The following ZBTB20 variants were observed in gnomAD, a reference collection of about 807,000 sequenced individuals.
ZBTB20 encodes the protein zinc finger and BTB domain-containing protein 20.
In ZBTB20, 9 loss-of-function variants were observed where a neutral mutation model predicts 56.9. The observed-to-expected ratio is 0.16, with a 90% confidence interval of 0.10 to 0.28. The LOEUF (loss-of-function observed/expected upper bound fraction) is 0.28. Ranked by LOEUF, ZBTB20 falls within the 10% of genes least tolerant of loss-of-function variation. The pLI is 1.00. For missense variants in ZBTB20, 655 were observed against 1,003.0 expected (o/e 0.65, Z 4.69); for synonymous variants, 417 against 420.7 (o/e 0.99, Z 0.11).
At chr3:115,032,958 T>TGAAAAA (rs2080756906) in intron 2 of ZBTB20, among the ~76,000 whole-genome samples, 1 of 56,548 alleles carries the variant, frequency 1.8e-5, no homozygotes, top group Non-Finnish European at 3.8e-5. Context: ...CCTAAGGAAC[T>TGAAAAA]AAAAAAAAAA....
chr3:114,426,722 A>G (rs1192679994), intron 7 of ZBTB20, among the ~76,000 whole-genome samples: 6 of 152,202 alleles, frequency 3.9e-5, no homozygotes, highest in Non-Finnish European at 7.3e-5. Flanking sequence ...CACTTATGCC[A>G]GAGAGATTTC....
chr3:115,127,483 A>G (rs1179708372), intron 1 of ZBTB20, among the ~76,000 whole-genome samples: 3 of 152,288 alleles, frequency 2.0e-5, no homozygotes, highest in African/African-American at 7.2e-5. Context: ...CATCCCAGCT[A>G]CTGGGGAGGC....
chr3:114,539,575 T>C (rs1056188226), intron 6 of ZBTB20, among the ~76,000 whole-genome samples: 3 of 152,144 alleles, frequency 2.0e-5, no homozygotes, highest in Non-Finnish European at 2.9e-5. Flanking sequence ...AATGAGCTCC[T>C]GTGCTAGTGT....
rs1384799581 is a variant in ZBTB20 at position 114,475,314 on chromosome 3, T to G, written c.-255+25038A>C. The stretch of plus-strand genomic sequence containing the variant: ...TTAGCCCTCCTCTGAGCTCCAAGAA[T>G]ACCTTATCTGTACTACTTTTATAGA... On this transcript the variant is annotated intron_variant, in intron 7 of 11. Coordinates refer to ENST00000675478, the MANE Select transcript of ZBTB20 (RefSeq NM_001348800.3). Among the ~76,000 whole-genome samples the G allele has an allele frequency of 2.0e-5, 3 of 152,256 alleles. No homozygotes were observed. In the East Asian group the frequency reaches 5.8e-4, roughly 29 times the overall value.
chr3:114,857,294 TAA>T (rs2075296831), intron 4 of ZBTB20, among the ~76,000 whole-genome samples: 1 of 152,174 alleles, frequency 6.6e-6, no homozygotes, highest in Non-Finnish European at 1.5e-5. Flanking sequence ...GCTCTCTACC[TAA>T]AACAAACAAA....
intron 4 of ZBTB20, among the ~76,000 whole-genome samples, chr3:114,822,076 G>A (rs1216858441): frequency 3.9e-5 from 6 of 152,084 alleles, no homozygotes; most frequent in Admixed American, 3.9e-4. Context: ...ACTTGATAGT[G>A]TAACATTAAT....
At chr3:114,979,160 T>C (rs577349468) in intron 2 of ZBTB20, among the ~76,000 whole-genome samples, 26 of 152,112 alleles carry the variant, frequency 1.7e-4, no homozygotes, top group African/African-American at 6.0e-4. Context: ...AATTAAACTT[T>C]CAAAGAAAAG....
intron 1 of ZBTB20, among the ~76,000 whole-genome samples, chr3:115,131,519 G>A (rs141364069): frequency 1.8e-4 from 28 of 152,088 alleles, no homozygotes; most frequent in Non-Finnish European, 3.5e-4. Flanking sequence ...TTGTTAATGG[G>A]ATTACTATTT....
intron 5 of ZBTB20, among the ~76,000 whole-genome samples, chr3:114,701,363 GCT>G: frequency 6.6e-6 from 1 of 152,154 alleles, no homozygotes; most frequent in East Asian, 1.9e-4. Context: ...AAAATTTCTT[GCT>G]CCTATTTCTT....
chr3:115,007,079 A>G (rs927843021), intron 2 of ZBTB20, among the ~76,000 whole-genome samples: 4 of 151,822 alleles, frequency 2.6e-5, no homozygotes, highest in Admixed American at 6.6e-5. Context: ...TTCTATCTAT[A>G]TTTCTTTCTA....
At chr3:114,721,056 G>A (rs1228082579) in intron 5 of ZBTB20, among the ~76,000 whole-genome samples, 1 of 152,144 alleles carries the variant, frequency 6.6e-6, no homozygotes, top group Non-Finnish European at 1.5e-5. Flanking sequence ...GCAGAAAATT[G>A]AGATATGTAT....
At chr3:114,725,212 T>G (rs879622974) in intron 5 of ZBTB20, among the ~76,000 whole-genome samples, 2 of 152,236 alleles carry the variant, frequency 1.3e-5, no homozygotes, top group Non-Finnish European at 2.9e-5. Context: ...AAATACAAAA[T>G]GTTTATAGAG....
At position 114,868,573 on chromosome 3, in the gene ZBTB20, A is replaced by G. The variant is rs138403793; in HGVS notation, c.-417+31731T>C. ...TATGATTGCACAAATTCTAAAGAGTACTCTCAATAAACAGAAATGTAAGTC... is the reference window on the plus strand; with the variant it reads ...TATGATTGCACAAATTCTAAAGAGTGCTCTCAATAAACAGAAATGTAAGTC... On this transcript the variant is annotated intron_variant, in intron 4 of 11. Coordinates refer to ENST00000675478, the MANE Select transcript of ZBTB20 (RefSeq NM_001348800.3). Among the ~76,000 whole-genome samples, 9 of 152,372 alleles carry G rather than the reference A, an allele frequency of 5.9e-5. No individual in the cohort carries two copies. In the East Asian group the frequency reaches 1.7e-3, roughly 29 times the overall value.
intron 2 of ZBTB20, among the ~76,000 whole-genome samples, chr3:115,048,103 T>G (rs1157105317): frequency 6.6e-6 from 1 of 151,872 alleles, no homozygotes; most frequent in Non-Finnish European, 1.5e-5. Flanking sequence ...CGGGCGCCTG[T>G]GGTCCCAGCT....
chr3:114,433,609 C>T (rs1318159270), intron 7 of ZBTB20, among the ~76,000 whole-genome samples: 1 of 152,134 alleles, frequency 6.6e-6, no homozygotes, highest in Non-Finnish European at 1.5e-5. Flanking sequence ...TACTACTATA[C>T]CTTTTATTTC....
intron 1 of ZBTB20, among the ~76,000 whole-genome samples, chr3:115,117,773 GATAA>G (rs755943942): frequency 4.6e-5 from 7 of 151,942 alleles, no homozygotes; most frequent in Middle Eastern, 3.4e-3. Flanking sequence ...TTTTTTAAAA[GATAA>G]ATAAATTATT....
chr3:114,663,132 CAGAG>C (rs1166495498), intron 6 of ZBTB20, among the ~76,000 whole-genome samples: 1 of 147,872 alleles, frequency 6.8e-6, no homozygotes, highest in Non-Finnish European at 1.5e-5. Flanking sequence ...TAAGGGCAGC[CAGAG>C]AGAAAGGTCG....
At chr3:114,525,747 T>C (rs1259171500) in intron 6 of ZBTB20, among the ~76,000 whole-genome samples, 1 of 152,134 alleles carries the variant, frequency 6.6e-6, no homozygotes, top group Non-Finnish European at 1.5e-5. Context: ...AGATAACGGG[T>C]ATTCAAAAAA....
At chr3:115,119,558 CA>C (rs1350588936) in intron 1 of ZBTB20, among the ~76,000 whole-genome samples, 1 of 152,110 alleles carries the variant, frequency 6.6e-6, no homozygotes, top group Non-Finnish European at 1.5e-5. Flanking sequence ...ACAACTCATA[CA>C]CCAGAACCAT....
Sources: allele counts gnomAD v4.1 joint callset (sites outside exome capture counted in the v4.1 genomes callset), GRCh38; gene constraint gnomAD v4.1.1; transcripts MANE v1.5; gene names NCBI Gene and HGNC (gene_info 2026-07-23, HGNC 2026-07-21).